Variants in DNAH12 observed in about 807,000 individuals in gnomAD.
DNAH12 encodes the protein axonemal beta dynein heavy chain 12.
Under a neutral mutation model 371.5 loss-of-function variants are expected in DNAH12, and 285 were observed. The ratio of observed to expected loss-of-function variants is 0.77; its 90% CI spans 0.70 to 0.85. The LOEUF (loss-of-function observed/expected upper bound fraction) is 0.85, where lower values mean the gene tolerates loss of function less well. DNAH12 is among the 40% of genes least tolerant of loss of function. DNAH12 has a pLI of 0.00. For synonymous variants in DNAH12, 1,200 were observed against 1,213.0 expected (o/e 0.99, Z 0.22); for missense variants, 3,611 against 3,689.4 (o/e 0.98, Z 0.55).
Position 57,297,527 on chromosome 3 carries a change from TG to T in DNAH12, c.11395-544del, listed in dbSNP as rs200196597. On this transcript the variant is annotated intron_variant, in intron 70 of 73. Transcript: ENST00000495027. ...TGCACCACCATGCCTGGCTAGTTTT[TG>T]TATTTCTAGTAGAGATGGGGTTTCA... Among the ~76,000 whole-genome samples the T allele has an allele frequency of 1.5e-4, 23 of 152,178 alleles. 1 individual carries two copies. In the East Asian group the frequency reaches 4.4e-3, roughly 29 times the overall value.
chr3:57,374,077 G>A (rs1315430448), intron 55 of DNAH12, among the ~76,000 whole-genome samples: 4 of 152,192 alleles, frequency 2.6e-5, no homozygotes, highest in African/African-American at 9.6e-5. Flanking sequence ...TAAAGGCAGT[G>A]AGTGTGATAT....
Position 57,453,471 on chromosome 3 carries a change from T to G in DNAH12, c.3457-68A>C. The G allele has an allele frequency of 6.9e-6, 9 of 1,298,606 alleles. No individual in the cohort carries two copies. The South Asian group carries it at 1.3e-4, about 19-fold the overall frequency. The allele number at this position is 1,298,606 out of a possible 1,614,324, so 80.4% of individuals were successfully genotyped here. ...TACTTAAAACATGTATTTTATATAT[T>G]TAGTCTTTTATAAAACAATTCTGAC... is the stretch of plus-strand genomic sequence containing the variant. On this transcript the variant is annotated intron_variant, in intron 23 of 73. Coordinates refer to ENST00000495027, the MANE Select transcript of DNAH12 (RefSeq NM_001366028.2).
At chr3:57,535,992 A>G (rs1160474911) in intron 2 of DNAH12, among the ~76,000 whole-genome samples, 1 of 151,240 alleles carries the variant, frequency 6.6e-6, no homozygotes, top group East Asian at 1.9e-4. Context: ...ATCCGCCACC[A>G]TGCTTGGCTA....
intron 35 of DNAH12, among the ~76,000 whole-genome samples, chr3:57,422,140 C>T (rs2064606717): frequency 6.6e-6 from 1 of 151,862 alleles, no homozygotes; most frequent in African/African-American, 2.4e-5. Context: ...TCTTAAACTC[C>T]TAGACTCAGC....
At chr3:57,471,067 A>G (rs2066351289) in intron 15 of DNAH12, among the ~76,000 whole-genome samples, 1 of 152,068 alleles carries the variant, frequency 6.6e-6, no homozygotes, top group East Asian at 1.9e-4. Context: ...AAAAGGTACA[A>G]TTATGTCTAC....
intron 22 of DNAH12, among the ~76,000 whole-genome samples, chr3:57,456,639 G>A (rs1411208430): frequency 1.3e-5 from 2 of 152,264 alleles, no homozygotes; most frequent in African/African-American, 4.8e-5. Context: ...TACCACTCGT[G>A]TCTGAAGAGA....
intron 69 of DNAH12, among the ~76,000 whole-genome samples, chr3:57,307,093 C>T (rs950375200): frequency 1.3e-5 from 2 of 152,160 alleles, no homozygotes; most frequent in African/African-American, 4.8e-5. Flanking sequence ...AAATTTCTTC[C>T]TCATCTGTTA....
intron 30 of DNAH12, among the ~76,000 whole-genome samples, chr3:57,435,476 T>C (rs1385097334): frequency 3.3e-5 from 5 of 151,504 alleles, no homozygotes; most frequent in Admixed American, 3.3e-4. Flanking sequence ...CCACAAAGCC[T>C]GATAAGGTCA....
chr3:57,390,424 A>AAAAAAAAAATATATATATATAT, intron 45 of DNAH12, among the ~76,000 whole-genome samples: 1 of 33,440 alleles, frequency 3.0e-5, no homozygotes, highest in Non-Finnish European at 7.0e-5. Context: ...AAAAAAAAAA[A>AAAAAAAAAATATATATATATAT]ATATATATAT....
At chr3:57,433,556 T>C (rs1213484396) in intron 31 of DNAH12, 49 bp from the exon 32 acceptor site, 1 of 1,541,364 alleles carries the variant, frequency 6.5e-7, no homozygotes, top group Admixed American at 2.1e-5. Flanking sequence ...AAAATTAGAT[T>C]TAGGAGTAAA....
At chr3:57,371,823 T>A (rs2063177381) in intron 55 of DNAH12, among the ~76,000 whole-genome samples, 2 of 151,230 alleles carry the variant, frequency 1.3e-5, no homozygotes, top group East Asian at 3.9e-4. Flanking sequence ...AGAGTAGACT[T>A]CTCATCAGAC....
chr3:57,329,562 C>G (rs2062038967), intron 62 of DNAH12, among the ~76,000 whole-genome samples: 1 of 141,678 alleles, frequency 7.1e-6, no homozygotes, highest in Non-Finnish European at 1.5e-5. Flanking sequence ...AAAATCAATT[C>G]AAGATGGATT....
intron 60 of DNAH12, among the ~76,000 whole-genome samples, chr3:57,338,989 TA>T (rs1553655101): frequency 1.3e-5 from 2 of 152,230 alleles, no homozygotes; most frequent in African/African-American, 4.8e-5. Flanking sequence ...TGTGTCTGTG[TA>T]GAAAGAAGTA....
rs1230150005 is a variant in DNAH12 at position 57,334,923 on chromosome 3, T to C, written c.9692A>G (p.Glu3231Gly). The change falls in exon 61 of 74, where the codon GAA (glutamate) becomes GGA (glycine). Residue 3231 changes from glutamate to glycine, a missense_variant. Glu to Gly is a moderately conservative substitution (Grantham distance 98). Coordinates refer to ENST00000495027, the MANE Select transcript of DNAH12 (RefSeq NM_001366028.2). The part of the protein sequence containing the change: ...ANLLLARKEI[E>G]YQELMFLLTG... ...TAAAAGAAACATCAGTTCCTGGTAT[T>C]CAATCTCTTTCCTTGCCCTGTATTC... 2.7e-5 allele frequency: 42 copies of C among 1,548,694 alleles called. No individual in the cohort carries two copies. Among genetic ancestry groups the C allele is most frequent in the Non-Finnish European group, 3.6e-5 (41 of 1,146,368 alleles).
At chr3:57,519,240 G>A (rs1347719139) in intron 4 of DNAH12, among the ~76,000 whole-genome samples, 1 of 152,084 alleles carries the variant, frequency 6.6e-6, no homozygotes, top group Non-Finnish European at 1.5e-5. Context: ...TGGGAGGAGG[G>A]GGTTTAAACT....
At chr3:57,322,258 C>T in intron 65 of DNAH12, 85 bp downstream of exon 65, 1 of 1,328,226 alleles carries the variant, frequency 7.5e-7, no homozygotes, top group Non-Finnish European at 9.9e-7. Context: ...AAAAATGTTA[C>T]AAAAGCATTA....
At position 57,403,485 on chromosome 3, in the gene DNAH12, A is replaced by G; in HGVS notation, c.6772T>C (p.Leu2258=). The G allele has an allele frequency of 6.5e-7, 1 of 1,548,398 alleles. No individual in the cohort carries two copies. ...TTTAGAACTCGACATATTCTTGATA[A>G]ATGTTCCAAAACATACCTACCACAA... The part of the protein sequence containing the change: ...LVIFRYVLEH[L]SRICRVLKQS... Residue 2258 remains leucine (L), a synonymous_variant, in exon 43 of 74, where the codon TTA becomes CTA. Coordinates refer to ENST00000495027, the MANE Select transcript of DNAH12 (RefSeq NM_001366028.2).
chr3:57,541,585 C>A (rs979250676), intron 2 of DNAH12, among the ~76,000 whole-genome samples: 6 of 151,434 alleles, frequency 4.0e-5, no homozygotes, highest in Non-Finnish European at 7.4e-5. Flanking sequence ...AGACTCATCT[C>A]AAATTCCTGG....
chr3:57,345,575 G>T lies in DNAH12; in HGVS notation c.9674+6510C>A, dbSNP rs533114798. ...TGAGCATCACCTGACATTTTAAGTGGATAATTGTAACACTTAAGCTCATGT... is the reference window on the plus strand; with the variant it reads ...TGAGCATCACCTGACATTTTAAGTGTATAATTGTAACACTTAAGCTCATGT... On this transcript the variant is annotated intron_variant, in intron 60 of 73. Coordinates refer to ENST00000495027, the MANE Select transcript of DNAH12 (RefSeq NM_001366028.2). Among the ~76,000 whole-genome samples, 34 of 152,218 alleles carry T rather than the reference G, an allele frequency of 2.2e-4. 1 individual carries two copies. The South Asian group carries it at 7.1e-3, about 32-fold the overall frequency.
Sources: gnomAD v4.1 joint callset for allele counts (sites outside exome capture counted in the v4.1 genomes callset) on GRCh38, gnomAD v4.1.1 for gene constraint, MANE v1.5 for transcripts, NCBI Gene and HGNC (gene_info 2026-07-23, HGNC 2026-07-21) for gene names.